MCM8: variants seen among roughly 807,000 people sequenced by gnomAD.
MCM8 encodes DNA helicase MCM8.
A neutral mutation model predicts 98.9 loss-of-function variants in MCM8; 85 were observed. The ratio of observed to expected loss-of-function variants is 0.86; its 90% CI spans 0.72 to 1.03. The LOEUF (loss-of-function observed/expected upper bound fraction) is 1.03. Among genes scored for constraint, MCM8 ranks in the 50% least tolerant of loss-of-function variants. The pLI, the probability that MCM8 is intolerant of heterozygous loss-of-function variation, is 0.00. For synonymous variants in MCM8, 352 were observed against 338.6 expected (o/e 1.04, Z -0.44); for missense variants, 951 against 997.8 (o/e 0.95, Z 0.63).
intron 10 of MCM8, among the ~76,000 whole-genome samples, chr20:5,970,026 C>G (rs1364159268): frequency 6.6e-6 from 1 of 152,148 alleles, no homozygotes; most frequent in African/African-American, 2.4e-5. Context: ...TTTGTGATTT[C>G]AGCATCAAAA....
chr20:5,985,461 A>T (rs1210081711), intron 15 of MCM8, among the ~76,000 whole-genome samples: 1 of 149,734 alleles, frequency 6.7e-6, no homozygotes, highest in Non-Finnish European at 1.5e-5. Context: ...AAAAAAAAGG[A>T]ATCTAAGTCA....
Position 5,957,172 on chromosome 20 carries a change from A to G in MCM8, c.533A>G (p.Gln178Arg). The G allele has an allele frequency of 6.2e-7, 1 of 1,613,820 alleles. No homozygotes were observed. Among genetic ancestry groups the G allele is most frequent in the East Asian group, 2.2e-5 (1 of 44,844 alleles). Residue 178 changes from glutamine to arginine, a missense_variant, in exon 6 of 19, where the codon CAG becomes CGG. Gln to Arg is a conservative substitution (Grantham distance 43). Coordinates refer to ENST00000610722, the MANE Select transcript of MCM8 (RefSeq NM_032485.6). ...LERHAAELQA[Q>R]EGLSNDGETM... ...AGGCATGCAGCTGAGTTACAAGCCC[A>G]GGAAGGATTGTCTAATGATGGAGAA...
chr20:5,984,852 A>T lies in MCM8; in HGVS notation c.1805A>T (p.Asp602Val). The part of the protein sequence containing the change: ...ILLDTPNEHH[D>V]HLLSEHVIAI... ...TTAGATACTCCAAATGAGCATCATG[A>T]TCACTTACTCTCTGAACATGTGATT... The change falls in exon 15 of 19, where the codon GAT becomes GTT. Residue 602 changes from aspartate to valine, a missense_variant. By Grantham distance (152) the Asp-to-Val change is radical. Coordinates refer to ENST00000610722, the MANE Select transcript of MCM8 (RefSeq NM_032485.6). 1 of 1,614,112 alleles carries T rather than the reference A, an allele frequency of 6.2e-7. No homozygotes were observed. The highest frequency in any genetic ancestry group is 8.5e-7 in the Non-Finnish European group (1 of 1,179,974).
In MCM8 at chr20:5,994,480, C is replaced by CAG. The variant is rs1339730044; in HGVS notation, c.*90_*91insGA. The CAG allele has an allele frequency of 8.6e-4, 131 of 152,448 alleles. No homozygotes were observed. Among genetic ancestry groups the CAG allele is most frequent in the African/African-American group, 3.0e-3 (56 of 18,856 alleles). The allele number at this position is 152,448 out of a possible 1,614,324, so 9.4% of individuals were successfully genotyped here. On this transcript the variant is annotated 3_prime_UTR_variant, in exon 19 of 19. Coordinates refer to ENST00000610722, the MANE Select transcript of MCM8 (RefSeq NM_032485.6). ...ATGCGTGCACGCACAGACAGACAGA[C>CAG]ACACACACACACACACACACACACA... is the stretch of plus-strand genomic sequence containing the variant.
chr20:5,966,396 C>T (rs992764990), intron 8 of MCM8, among the ~76,000 whole-genome samples: 4 of 151,980 alleles, frequency 2.6e-5, no homozygotes, highest in Non-Finnish European at 4.4e-5. Context: ...ATTTCTTTGG[C>T]TTTTTCTTAT....
intron 17 of MCM8, among the ~76,000 whole-genome samples, chr20:5,989,824 A>G (rs923356827): frequency 6.6e-5 from 10 of 152,180 alleles, no homozygotes; most frequent in African/African-American, 1.2e-4. Flanking sequence ...AGTCCATGGA[A>G]GAAGAGGAAC....
chr20:5,977,595 T>C (rs1441838487), intron 12 of MCM8, among the ~76,000 whole-genome samples: 1 of 152,222 alleles, frequency 6.6e-6, no homozygotes, highest in Non-Finnish European at 1.5e-5. Flanking sequence ...GTTGAGTATT[T>C]ATATGACCAC....
At chr20:5,971,920 A>C (rs1000221912) in intron 10 of MCM8, 87 bp from the exon 11 acceptor site, 1 of 1,081,468 alleles carries the variant, frequency 9.2e-7, no homozygotes, top group Non-Finnish European at 1.4e-6. Context: ...TGTTGATATT[A>C]AGCAGGTTAA....
chr20:5,984,556 G>A (rs949301601), intron 14 of MCM8, among the ~76,000 whole-genome samples: 2 of 152,174 alleles, frequency 1.3e-5, no homozygotes, highest in Non-Finnish European at 2.9e-5. Context: ...GTGTGAGAAA[G>A]AGCCATGTCC....
Position 5,952,174 on chromosome 20 carries a change from T to A in MCM8, c.148+11T>A, listed in dbSNP as rs1206658585. ...GAAAACGTACTTCTGGTAGGTGAGGTCAATGATTGTTCAATTTTTTTCACT... is the reference window on the plus strand; with the variant it reads ...GAAAACGTACTTCTGGTAGGTGAGGACAATGATTGTTCAATTTTTTTCACT... On this transcript the variant is annotated intron_variant, in intron 2 of 18. Coordinates refer to ENST00000610722, the MANE Select transcript of MCM8 (RefSeq NM_032485.6). 1 of 1,611,048 alleles carries A rather than the reference T, an allele frequency of 6.2e-7. No homozygotes were observed. The highest frequency in any genetic ancestry group is 8.5e-7 in the Non-Finnish European group (1 of 1,179,110).
At chr20:5,967,307 T>C (rs908827655) in intron 8 of MCM8, 129 bp from the exon 9 acceptor site, 2 of 630,798 alleles carry the variant, frequency 3.2e-6, no homozygotes, top group African/African-American at 1.9e-5. Context: ...ATTTTAGATA[T>C]ACCATTAAAC....
chr20:5,960,336 A>C (rs765385107), intron 7 of MCM8, among the ~76,000 whole-genome samples: 9 of 152,168 alleles, frequency 5.9e-5, no homozygotes, highest in Non-Finnish European at 1.3e-4. Context: ...GCTGGAGTGT[A>C]GTGACATGAT....
rs1023978822 is a variant in MCM8 at position 5,973,107 on chromosome 20, G to T, written c.1306G>T (p.Ala436Ser). The part of the protein sequence containing the change: ...LALFGGSQKY[A>S]DDKNRIPIRG... ...ACTCTTTGGAGGAAGCCAGAAATAC[G>T]CAGATGACAAAAACAGAATTCCAAT... Residue 436 changes from alanine (A) to serine (S), a missense_variant, in exon 12 of 19, where the codon GCA (alanine) becomes TCA (serine). Coordinates refer to ENST00000610722, the MANE Select transcript of MCM8 (RefSeq NM_032485.6). 5 of 1,614,044 alleles carry T rather than the reference G, an allele frequency of 3.1e-6. No individual in the cohort carries two copies. The highest frequency in any genetic ancestry group is 4.2e-6 in the Non-Finnish European group (5 of 1,180,016).
rs757571722 is a variant in MCM8, at chr20:5,967,618, C to G, written c.1027+31C>G. 16 of 1,578,124 alleles carry G rather than the reference C, an allele frequency of 1.0e-5. No homozygotes were observed. In the South Asian group the frequency reaches 1.6e-4, roughly 16 times the overall value. On this transcript the variant is annotated intron_variant, in intron 9 of 18. Coordinates refer to ENST00000610722, the MANE Select transcript of MCM8 (RefSeq NM_032485.6). Reference sequence around the variant, plus strand: ...GTACAACTCTTTTCATTATTTGTCTCTCAATAATGATTCATCAACGTTCAT... The same window carrying G: ...GTACAACTCTTTTCATTATTTGTCTGTCAATAATGATTCATCAACGTTCAT...
rs7266001 is a variant in MCM8 at position 5,977,164 on chromosome 20, G to C, written c.1396-712G>C. On this transcript the variant is annotated intron_variant, in intron 12 of 18. Transcript: ENST00000610722. Reference sequence around the variant, plus strand: ...CAGCATAGGATAACAGTGGGTGTTTGAGATGTGAATACTGTCCCCTAGAAT... The same window carrying C: ...CAGCATAGGATAACAGTGGGTGTTTCAGATGTGAATACTGTCCCCTAGAAT... Among the ~76,000 whole-genome samples the C allele has an allele frequency of 3.3e-3, 498 of 152,336 alleles. 1 individual carries two copies. Among genetic ancestry groups the C allele is most frequent in the African/African-American group, 0.011 (470 of 41,562 alleles).
chr20:5,954,547 C>A, intron 3 of MCM8, 61 bp from the exon 4 acceptor site: 1 of 943,716 alleles, frequency 1.1e-6, no homozygotes, highest in Non-Finnish European at 1.7e-6. Context: ...GCTTTTGTCT[C>A]ATGAAAAATG....
At chr20:5,960,379 C>T (rs1322469620) in intron 7 of MCM8, among the ~76,000 whole-genome samples, 1 of 152,120 alleles carries the variant, frequency 6.6e-6, no homozygotes, top group Non-Finnish European at 1.5e-5. Flanking sequence ...CTCCTGGGCT[C>T]AGGTGATCTT....
In MCM8 at chr20:5,957,234, G is replaced by A. The variant is rs1286204230; in HGVS notation, c.590+5G>A. 6.2e-7 allele frequency: 1 copy of A among 1,602,760 alleles called. No individual in the cohort carries two copies. Among genetic ancestry groups the A allele is most frequent in the Admixed American group, 1.7e-5 (1 of 59,798 alleles). ...TGTGCCACATATTCATGCAAGGTGA[G>A]GAATTTGATGTATTAAAGTATTACT... On this transcript the variant is annotated splice_donor_5th_base_variant and intron_variant, in intron 6 of 18. Transcript: ENST00000610722.
In MCM8 at chr20:5,986,115, T is replaced by G; in HGVS notation, c.2147T>G (p.Leu716Trp). 1 of 1,614,216 alleles carries G rather than the reference T, an allele frequency of 6.2e-7. No homozygotes were observed. Among genetic ancestry groups the G allele is most frequent in the East Asian group, 2.2e-5 (1 of 44,882 alleles). ...ATCACTACCAGGCAGCTGGAATCTTTGATTCGTCTGACAGAGGTTTGTTTC... is the reference window on the plus strand; with the variant it reads ...ATCACTACCAGGCAGCTGGAATCTTGGATTCGTCTGACAGAGGTTTGTTTC... ...SPITTRQLES[L>W]IRLTEARARL... The change falls in exon 16 of 19, where the codon TTG (leucine) becomes TGG (tryptophan). Residue 716 changes from leucine (L) to tryptophan (W), a missense_variant. By Grantham distance (61) the Leu-to-Trp change is moderately conservative (BLOSUM62 -2). Transcript: ENST00000610722.
Sources: gnomAD v4.1 joint callset for allele counts (sites outside exome capture counted in the v4.1 genomes callset) on GRCh38, gnomAD v4.1.1 for gene constraint, MANE v1.5 for transcripts, NCBI Gene and HGNC (gene_info 2026-07-23, HGNC 2026-07-21) for gene names.